The following PDIA5 variants were observed in gnomAD, a reference collection of about 807,000 sequenced individuals.
PDIA5 encodes the protein protein disulfide isomerase family A member 5, also known as protein disulfide-isomerase A5.
A neutral mutation model predicts 77.6 loss-of-function variants in PDIA5; 58 were observed. That is an observed-to-expected ratio of 0.75 (90% CI 0.61 to 0.93). The LOEUF is 0.93. PDIA5 is among the 40% of genes least tolerant of loss of function. The pLI, the probability that PDIA5 is intolerant of heterozygous loss-of-function variation, is 0.00. For missense variants in PDIA5, 630 were observed against 647.7 expected (o/e 0.97, Z 0.30); for synonymous variants, 250 against 252.1 (o/e 0.99, Z 0.08).
chr3:123,145,436 C>T (rs1382462494), intron 11 of PDIA5, 86 bp from the exon 12 acceptor site: 3 of 919,462 alleles, frequency 3.3e-6, no homozygotes, highest in African/African-American at 1.7e-5. Flanking sequence ...GGGAATGGGA[C>T]TGAGCTGCCT....
intron 16 of PDIA5, 95 bp from the exon 17 acceptor site, chr3:123,161,785 C>A (rs1936164384): frequency 2.4e-6 from 2 of 840,076 alleles, no homozygotes; most frequent in South Asian, 2.9e-5. Flanking sequence ...ATAGGAGTGA[C>A]CCCCTGGAGG....
chr3:123,112,531 A>G (rs1260614086), intron 7 of PDIA5, among the ~76,000 whole-genome samples: 1 of 52,076 alleles, frequency 1.9e-5, no homozygotes, highest in Non-Finnish European at 4.0e-5. Context: ...CCCCAGCCCT[A>G]TTCTTTTTTT....
In PDIA5 at chr3:123,111,007, G is replaced by A; in HGVS notation, c.541+3G>A. On this transcript the variant is annotated splice_donor_region_variant and intron_variant, in intron 7 of 16. Transcript: ENST00000316218. Reference sequence around the variant, plus strand: ...CCTGATCATGTTTTATGCCCCCTGTGAGTGAACTTTCTCCCTTGGGCCAGA... The same window carrying A: ...CCTGATCATGTTTTATGCCCCCTGTAAGTGAACTTTCTCCCTTGGGCCAGA... The A allele has an allele frequency of 6.2e-7, 1 of 1,611,694 alleles. No individual in the cohort carries two copies. The highest frequency in any genetic ancestry group is 1.3e-5 in the African/African-American group (1 of 74,948).
At chr3:123,068,416 T>C (rs375854438) in intron 1 of PDIA5, among the ~76,000 whole-genome samples, 4 of 152,312 alleles carry the variant, frequency 2.6e-5, no homozygotes, top group South Asian at 4.1e-4. Context: ...TCGGTCTGTG[T>C]TCTCCCTCTT....
At chr3:123,151,741 TGCCTGCCTGCCTG>T (rs1935898650) in intron 14 of PDIA5, among the ~76,000 whole-genome samples, 2 of 83,458 alleles carry the variant, frequency 2.4e-5, no homozygotes, top group Non-Finnish European at 5.6e-5. Context: ...CCTTCCTGCC[TGCCTGCCTGCCTG>T]CCTGCCTGCC....
At chr3:123,159,179 A>G (rs1180505631) in intron 15 of PDIA5, among the ~76,000 whole-genome samples, 1 of 152,252 alleles carries the variant, frequency 6.6e-6, no homozygotes, top group African/African-American at 2.4e-5. Context: ...TTCATCCAGC[A>G]CTTTCATGGC....
intron 11 of PDIA5, among the ~76,000 whole-genome samples, chr3:123,138,103 G>A (rs1015041899): frequency 6.6e-6 from 1 of 151,920 alleles, no homozygotes; most frequent in African/African-American, 2.4e-5. Flanking sequence ...ACACTACCAC[G>A]CCTGGCTAAT....
chr3:123,147,256 T>C (rs1323752649), intron 13 of PDIA5, among the ~76,000 whole-genome samples: 1 of 152,154 alleles, frequency 6.6e-6, no homozygotes, highest in East Asian at 1.9e-4. Context: ...TAATCTGCTC[T>C]TCTTATAAGG....
At position 123,085,930 on chromosome 3, in the gene PDIA5, T is replaced by C. The variant is rs183721635; in HGVS notation, c.43-3238T>C. Among the ~76,000 whole-genome samples, 212 of 152,356 alleles carry C rather than the reference T, an allele frequency of 1.4e-3. 1 individual carries two copies. Among genetic ancestry groups the C allele is most frequent in the African/African-American group, 4.8e-3 (199 of 41,580 alleles). The stretch of plus-strand genomic sequence containing the variant: ...TTCAGTCTGAAGTCCGTTAGCTCCC[T>C]GGGAGTAGTAGGATAACATGTAATA... On this transcript the variant is annotated intron_variant, in intron 1 of 16. Transcript: ENST00000316218.
intron 5 of PDIA5, among the ~76,000 whole-genome samples, chr3:123,106,467 A>T (rs1934735620): frequency 6.6e-6 from 1 of 152,172 alleles, no homozygotes; most frequent in Non-Finnish European, 1.5e-5. Flanking sequence ...TTTGTCCTTG[A>T]AGATGCATAG....
chr3:123,143,062 A>T (rs544957040), intron 11 of PDIA5, among the ~76,000 whole-genome samples: 1 of 148,878 alleles, frequency 6.7e-6, no homozygotes, highest in South Asian at 2.1e-4. Context: ...GGTACAAGGT[A>T]AAAAAAAACC....
intron 10 of PDIA5, among the ~76,000 whole-genome samples, chr3:123,127,960 G>A (rs915659338): frequency 6.6e-6 from 1 of 152,204 alleles, no homozygotes; most frequent in African/African-American, 2.4e-5. Context: ...GGAGCTCACG[G>A]CCTGGGGTAG....
intron 13 of PDIA5, 146 bp from the exon 14 acceptor site, chr3:123,150,088 G>A (rs1935854351): frequency 3.0e-6 from 2 of 669,886 alleles, no homozygotes; most frequent in Non-Finnish European, 5.2e-6. Context: ...TGTTTAAACT[G>A]TGGTTTTAAA....
At chr3:123,133,240 G>A (rs1243809856) in intron 11 of PDIA5, among the ~76,000 whole-genome samples, 3 of 152,176 alleles carry the variant, frequency 2.0e-5, no homozygotes, top group Non-Finnish European at 4.4e-5. Context: ...TGGAGTAAAG[G>A]ACAAATGTCA....
chr3:123,142,285 T>G (rs891183083), intron 11 of PDIA5, among the ~76,000 whole-genome samples: 2 of 152,246 alleles, frequency 1.3e-5, no homozygotes, highest in Non-Finnish European at 2.9e-5. Context: ...ATGTTTCAGG[T>G]GCATCCTATT....
intron 13 of PDIA5, among the ~76,000 whole-genome samples, chr3:123,146,683 C>G (rs1250655877): frequency 6.6e-6 from 1 of 152,194 alleles, no homozygotes; most frequent in East Asian, 1.9e-4. Flanking sequence ...TGGTTTGCAA[C>G]TGAGGATAAA....
intron 14 of PDIA5, among the ~76,000 whole-genome samples, chr3:123,151,791 TCCTG>T (rs1560561727): frequency 2.1e-5 from 2 of 96,490 alleles, no homozygotes; most frequent in African/African-American, 4.0e-5. Flanking sequence ...TGGCCTGCCT[TCCTG>T]CCTGCCTGCC....
chr3:123,133,321 T>C (rs568823030), intron 11 of PDIA5, among the ~76,000 whole-genome samples: 3 of 152,332 alleles, frequency 2.0e-5, no homozygotes, highest in South Asian at 4.1e-4. Flanking sequence ...GAAATCACAG[T>C]GTTCCAGGTG....
At chr3:123,101,906 C>CCTTTTTTTTTTTT (rs1553798314) in intron 3 of PDIA5, among the ~76,000 whole-genome samples, 1 of 71,378 alleles carries the variant, frequency 1.4e-5, no homozygotes, top group African/African-American at 5.4e-5. Flanking sequence ...TTCTTTCTTG[C>CCTTTTTTTTTTTT]TTTTTTTTTT....
Sources: gnomAD v4.1 joint callset for allele counts (sites outside exome capture counted in the v4.1 genomes callset) on GRCh38, gnomAD v4.1.1 for gene constraint, MANE v1.5 for transcripts, NCBI Gene and HGNC (gene_info 2026-07-23, HGNC 2026-07-21) for gene names.